ME2: variants seen among roughly 807,000 people sequenced by gnomAD.
ME2 encodes the protein NAD-dependent malic enzyme, mitochondrial.
ME2 carries 60 observed loss-of-function variants against 73.7 expected under a neutral mutation model. The observed-to-expected ratio is 0.81, with a 90% CI of 0.66 to 1.01. ME2 has a LOEUF of 1.01. Ranked by LOEUF, ME2 falls within the 50% of genes least tolerant of loss-of-function variation. ME2 has a pLI of 0.00. For missense variants in ME2, 594 were observed against 705.5 expected (o/e 0.84, Z 1.79); for synonymous variants, 199 against 236.9 (o/e 0.84, Z 1.47).
In ME2 at chr18:50,925,838, A is replaced by G; in HGVS notation, c.1254A>G (p.Ala418=). The change falls in exon 12 of 16, where the codon GCA becomes GCG. Residue 418 remains alanine (A), a synonymous_variant. Transcript: ENST00000321341. ...TCAATGAAAGGCCTGTAATATTTGC[A>G]TTAAGTAATCCTACAGCACAGGCAG... ...ASINERPVIF[A]LSNPTAQAEC... is the part of the protein sequence containing the mutation. 4 of 1,612,554 alleles carry G rather than the reference A, an allele frequency of 2.5e-6. No individual in the cohort carries two copies. Among genetic ancestry groups the G allele is most frequent in the Non-Finnish European group, 3.4e-6 (4 of 1,178,580 alleles).
At chr18:50,918,471 C>T (rs538634082) in intron 7 of ME2, among the ~76,000 whole-genome samples, 18 of 152,310 alleles carry the variant, frequency 1.2e-4, no homozygotes, top group Admixed American at 3.9e-4. Context: ...TTCCATCAAA[C>T]GCTTACTGCT....
chr18:50,930,593 G>A (rs1397815935), intron 12 of ME2, among the ~76,000 whole-genome samples: 1 of 152,160 alleles, frequency 6.6e-6, no homozygotes, highest in Non-Finnish European at 1.5e-5. Flanking sequence ...GGCAGGGATG[G>A]TGACCTGGAG....
chr18:50,943,546 T>G (rs142874610), intron 15 of ME2, among the ~76,000 whole-genome samples: 3,045 of 152,246 alleles, frequency 0.02, 50 homozygotes, highest in African/African-American at 0.04. Context: ...TCAGGAGATC[T>G]GCCCACCTTG....
chr18:50,933,750 T>G (rs1032125024), intron 13 of ME2: 4 of 151,874 alleles, frequency 2.6e-5, no homozygotes, highest in African/African-American at 7.3e-5. Flanking sequence ...ATGTATAGAT[T>G]ATTTCATCAC....
At chr18:50,908,956 C>CT (rs71171364) in intron 3 of ME2, among the ~76,000 whole-genome samples, 4,698 of 127,306 alleles carry the variant, frequency 0.037, 112 homozygotes, top group African/African-American at 0.076. Flanking sequence ...CTTTTCTTTT[C>CT]TTTTTTTTTT....
intron 15 of ME2, 105 bp from the exon 16 acceptor site, chr18:50,946,912 A>G: frequency 2.5e-6 from 2 of 806,214 alleles, no homozygotes; most frequent in Non-Finnish European, 4.1e-6. Flanking sequence ...GTGAAAAAAG[A>G]AGAATGCCAT....
At chr18:50,924,299 T>C (rs535891092) in intron 11 of ME2, 87 bp downstream of exon 11, 1 of 889,920 alleles carries the variant, frequency 1.1e-6, no homozygotes, top group African/African-American at 1.7e-5. Context: ...TAAAAATGAA[T>C]TGGCAGTTTT....
At position 50,894,875 on chromosome 18, in the gene ME2, TC is replaced by T. The variant is rs1306894439; in HGVS notation, c.-12-933del. Among the ~76,000 whole-genome samples the T allele has an allele frequency of 3.6e-5, 5 of 138,120 alleles. No individual in the cohort carries two copies. In the Admixed American group the frequency reaches 3.7e-4, roughly 10 times the overall value. The allele number at this position is 138,120 out of a possible 152,430, so 90.6% of individuals were successfully genotyped here. On this transcript the variant is annotated intron_variant, in intron 1 of 15. Transcript: ENST00000321341. The stretch of plus-strand genomic sequence containing the variant: ...CTGGGCAACAGAGCGAGACTCCATC[TC>T]AAAAAAAAAAAAAAAATTTTTTTGA...
At chr18:50,894,148 A>T (rs1916674299) in intron 1 of ME2, among the ~76,000 whole-genome samples, 1 of 152,254 alleles carries the variant, frequency 6.6e-6, no homozygotes, top group African/African-American at 2.4e-5. Context: ...ATCAAATCAC[A>T]CTTGATTTCA....
intron 2 of ME2, among the ~76,000 whole-genome samples, chr18:50,898,138 A>G (rs1480432316): frequency 2.0e-5 from 3 of 152,220 alleles, no homozygotes; most frequent in Non-Finnish European, 4.4e-5. Flanking sequence ...TGTAAATATT[A>G]TCTTTAAGGA....
rs1308973426 is a variant in ME2 at position 50,951,085 on chromosome 18, T to C, written c.*3901T>C. 6.6e-6 allele frequency: 1 copy of C among 152,240 alleles called. No individual in the cohort carries two copies. Among genetic ancestry groups the C allele is most frequent in the African/African-American group, 2.4e-5 (1 of 41,470 alleles). 9.4% of individuals were successfully genotyped at this position (152,240 alleles called of 1,614,324 possible). ...TAGAGTACTCTTTAATTCTAAATTA[T>C]AGATTTGTAGCATACTTAGTAAACT... On this transcript the variant is annotated 3_prime_UTR_variant, in exon 16 of 16. Coordinates refer to ENST00000321341, the MANE Select transcript of ME2 (RefSeq NM_002396.5).
chr18:50,936,264 A>G (rs2144262441), intron 13 of ME2, among the ~76,000 whole-genome samples: 1 of 152,364 alleles, frequency 6.6e-6, no homozygotes, highest in African/African-American at 2.4e-5. Context: ...TTCATTACAC[A>G]GTGAAAATAT....
Position 50,912,800 on chromosome 18 carries a change from G to A in ME2, c.243-1G>A. 6.4e-7 allele frequency: 1 copy of A among 1,573,114 alleles called. No homozygotes were observed. The highest frequency in any genetic ancestry group is 8.6e-7 in the Non-Finnish European group (1 of 1,156,432). On this transcript the variant is annotated splice_acceptor_variant, in intron 3 of 15. Transcript: ENST00000321341. LOFTEE classifies it high-confidence loss of function. ...ACATTATTTACTGTGCTTCATTTCA[G>A]ATATATCTACATAATGGGAATACAA...
chr18:50,920,889 A>C, intron 9 of ME2, 131 bp downstream of exon 9: 2 of 748,434 alleles, frequency 2.7e-6, no homozygotes, highest in South Asian at 4.1e-5. Context: ...TATGAAATCA[A>C]GAGTTCTGCT....
chr18:50,900,325 C>T (rs926631989), intron 2 of ME2, among the ~76,000 whole-genome samples: 27 of 151,260 alleles, frequency 1.8e-4, no homozygotes, highest in Admixed American at 1.5e-3. Context: ...GATGGAGTCT[C>T]GCTCTGTTGC....
In ME2 at chr18:50,951,999, G is replaced by A. The variant is rs987924831; in HGVS notation, c.*4815G>A. ...TAATATAAACCCATAGCTCTTTACT[G>A]GGCTTCCATTTAAAGGGAAGTCCTA... On this transcript the variant is annotated 3_prime_UTR_variant, in exon 16 of 16. Coordinates refer to ENST00000321341, the MANE Select transcript of ME2 (RefSeq NM_002396.5). 7.9e-5 allele frequency: 12 copies of A among 151,518 alleles called. No homozygotes were observed. Among genetic ancestry groups the A allele is most frequent in the African/African-American group, 2.9e-4 (12 of 41,148 alleles). 9.4% of individuals were successfully genotyped at this position (151,518 alleles called of 1,614,324 possible).
intron 12 of ME2, among the ~76,000 whole-genome samples, chr18:50,927,810 ATTTTTTT>A (rs545334028): frequency 1.4e-5 from 1 of 73,092 alleles, no homozygotes; most frequent in African/African-American, 6.0e-5. Flanking sequence ...TTGTCATTTA[ATTTTTTT>A]TTTTTTTTTT....
intron 1 of ME2, among the ~76,000 whole-genome samples, chr18:50,894,565 C>T (rs1406638516): frequency 6.7e-5 from 5 of 74,080 alleles, no homozygotes; most frequent in African/African-American, 3.6e-4. Flanking sequence ...GAGACTCCAT[C>T]TCAAAAAAAA....
rs1316314513 is a variant in ME2 at position 50,927,751 on chromosome 18, T to TATATATATAC, written c.1314+1854_1314+1855insTATATATACA. On this transcript the variant is annotated intron_variant, in intron 12 of 15. Coordinates refer to ENST00000321341, the MANE Select transcript of ME2 (RefSeq NM_002396.5). ...ATATATATATATATATATATATATA[T>TATATATATAC]ACACACCACAGTACTGTTATACCTC... Among the ~76,000 whole-genome samples the TATATATATAC allele has an allele frequency of 3.2e-3, 397 of 123,220 alleles. 3 individuals carry two copies. Among genetic ancestry groups the TATATATATAC allele is most frequent in the South Asian group, 0.016 (60 of 3,864 alleles). 80.8% of individuals were successfully genotyped at this position (123,220 alleles called of 152,430 possible). A position where few individuals can be genotyped will look rare whatever the true frequency, so the allele number is the denominator to read the frequency against.
Sources: allele counts gnomAD v4.1 joint callset (sites outside exome capture counted in the v4.1 genomes callset), GRCh38; gene constraint gnomAD v4.1.1; transcripts MANE v1.5; gene names NCBI Gene and HGNC (gene_info 2026-07-23, HGNC 2026-07-21).